CREBL2: variants seen among roughly 807,000 people sequenced by gnomAD.
The protein encoded by CREBL2 is cAMP responsive element binding protein like 2.
CREBL2 carries 4 observed loss-of-function variants against 19.5 expected under a neutral mutation model. The ratio of observed to expected loss-of-function variants is 0.20; its 90% CI spans 0.10 to 0.47. The LOEUF is 0.47. Among genes scored for constraint, CREBL2 ranks in the 20% least tolerant of loss-of-function variants. The pLI is 0.98. For synonymous variants in CREBL2, 42 were observed against 46.6 expected (o/e 0.90, Z 0.40); for missense variants, 85 against 145.1 (o/e 0.59, Z 2.13).
chr12:12,624,351 G>A (rs777943033), intron 1 of CREBL2, among the ~76,000 whole-genome samples: 13 of 152,200 alleles, frequency 8.5e-5, no homozygotes, highest in South Asian at 2.1e-4. Context: ...GGGTGGAAAC[G>A]GAGAGATGGT....
At chr12:12,619,563 A>G (rs903832956) in intron 1 of CREBL2, among the ~76,000 whole-genome samples, 2 of 152,180 alleles carry the variant, frequency 1.3e-5, no homozygotes, top group Non-Finnish European at 2.9e-5. Flanking sequence ...GTGAGCCGAG[A>G]TCACGCCACT....
chr12:12,641,263 A>ATTATTT (rs1566117110), intron 3 of CREBL2, among the ~76,000 whole-genome samples: 9 of 85,924 alleles, frequency 1.0e-4, no homozygotes, highest in African/African-American at 2.5e-4. Flanking sequence ...ATTTTTTTTT[A>ATTATTT]TTTTTTTTTT....
In CREBL2 at chr12:12,642,858, T is replaced by C. The variant is rs1393408482; in HGVS notation, c.*860T>C. ...ATGTATGTTTCTTATTGTATGTCTA[T>C]ATATGTATGTGGGGAGGACAGGAGT... On this transcript the variant is annotated 3_prime_UTR_variant, in exon 4 of 4. Transcript: ENST00000228865. The C allele has an allele frequency of 6.6e-6, 1 of 152,658 alleles. No individual in the cohort carries two copies. The allele number at this position is 152,658 out of a possible 1,614,324, so 9.5% of individuals were successfully genotyped here. A position where few individuals can be genotyped will look rare whatever the true frequency, so the allele number is the denominator to read the frequency against.
intron 1 of CREBL2, among the ~76,000 whole-genome samples, chr12:12,626,347 A>AATT (rs1209373297): frequency 6.6e-6 from 1 of 152,198 alleles, no homozygotes; most frequent in East Asian, 1.9e-4. Context: ...TTAATTATAG[A>AATT]ATTATCAGCA....
chr12:12,630,609 CTA>C (rs559985456), intron 1 of CREBL2, among the ~76,000 whole-genome samples: 9 of 152,206 alleles, frequency 5.9e-5, no homozygotes, highest in Admixed American at 5.9e-4. Flanking sequence ...TCTCTGCCTA[CTA>C]TTTATCATTA....
At chr12:12,628,155 C>T (rs1431814234) in intron 1 of CREBL2, among the ~76,000 whole-genome samples, 1 of 152,148 alleles carries the variant, frequency 6.6e-6, no homozygotes, top group Non-Finnish European at 1.5e-5. Flanking sequence ...GCTGGGATTA[C>T]AGGCTAAGCC....
chr12:12,632,605 GTGT>G (rs1945449616), intron 1 of CREBL2: 1 of 152,088 alleles, frequency 6.6e-6, no homozygotes, highest in Non-Finnish European at 1.5e-5. Context: ...TTGGATTATA[GTGT>G]TGTATGATTA....
intron 1 of CREBL2, chr12:12,614,467 C>CTT (rs34307341): frequency 0.025 from 3,274 of 128,472 alleles, 71 homozygotes; most frequent in Non-Finnish European, 0.038. Context: ...ATTTAGTTTC[C>CTT]TTTTTTTTTT....
intron 2 of CREBL2, 84 bp downstream of exon 2, chr12:12,636,058 C>A: frequency 7.9e-7 from 1 of 1,273,100 alleles, no homozygotes; most frequent in Non-Finnish European, 1.1e-6. Context: ...TACCAGTTAT[C>A]ACCTGTCCAG....
intron 1 of CREBL2, among the ~76,000 whole-genome samples, chr12:12,613,803 T>C (rs559172926): frequency 1.3e-5 from 2 of 152,186 alleles, no homozygotes; most frequent in Admixed American, 1.3e-4. Flanking sequence ...GGGATAACAT[T>C]GTAGACTCTT....
intron 1 of CREBL2, among the ~76,000 whole-genome samples, chr12:12,629,981 T>C (rs1021737431): frequency 6.6e-6 from 1 of 152,144 alleles, no homozygotes; most frequent in Non-Finnish European, 1.5e-5. Flanking sequence ...TGGTGTATAA[T>C]CTTCTTTGTT....
intron 1 of CREBL2, among the ~76,000 whole-genome samples, chr12:12,617,403 G>A (rs1203187452): frequency 6.6e-6 from 1 of 150,702 alleles, no homozygotes. Context: ...AGGCTAGTTG[G>A]GAAGGAAAAA....
At chr12:12,627,976 T>C (rs1361277676) in intron 1 of CREBL2, among the ~76,000 whole-genome samples, 2 of 151,902 alleles carry the variant, frequency 1.3e-5, no homozygotes, top group Non-Finnish European at 2.9e-5. Context: ...AACTCCCGGG[T>C]TCAAGCGATT....
chr12:12,623,692 C>T (rs1945378969), intron 1 of CREBL2, among the ~76,000 whole-genome samples: 1 of 151,966 alleles, frequency 6.6e-6, no homozygotes, highest in Non-Finnish European at 1.5e-5. Flanking sequence ...GAATGGTGGC[C>T]CCTAAAAAGA....
chr12:12,629,149 C>A (rs1945424332), intron 1 of CREBL2, among the ~76,000 whole-genome samples: 1 of 152,118 alleles, frequency 6.6e-6, no homozygotes, highest in Non-Finnish European at 1.5e-5. Flanking sequence ...CCAATTTCAG[C>A]AAAAAGGTAG....
intron 1 of CREBL2, chr12:12,614,857 GT>G (rs34663387): frequency 0.53 from 90,071 of 168,554 alleles, 21,728 homozygotes; most frequent in East Asian, 0.64. Context: ...TAGGGCATTA[GT>G]TTTTTTTTTT....
intron 1 of CREBL2, among the ~76,000 whole-genome samples, chr12:12,632,795 T>C (rs1945450497): frequency 1.3e-5 from 2 of 151,982 alleles, no homozygotes; most frequent in African/African-American, 4.8e-5. Flanking sequence ...TGATGAGATA[T>C]AAGCATAATT....
intron 1 of CREBL2, among the ~76,000 whole-genome samples, chr12:12,613,973 T>C (rs1000712090): frequency 7.0e-5 from 10 of 143,478 alleles, no homozygotes; most frequent in Non-Finnish European, 1.5e-4. Context: ...CACACTTCTT[T>C]CTTTTTTCTT....
At chr12:12,631,795 T>C in intron 1 of CREBL2, among the ~76,000 whole-genome samples, 1 of 152,232 alleles carries the variant, frequency 6.6e-6, no homozygotes, top group East Asian at 1.9e-4. Flanking sequence ...TTTTCTCTTT[T>C]ATTTTTTTAA....
Sources: allele counts gnomAD v4.1 joint callset (sites outside exome capture counted in the v4.1 genomes callset), GRCh38; gene constraint gnomAD v4.1.1; transcripts MANE v1.5; gene names NCBI Gene and HGNC (gene_info 2026-07-23, HGNC 2026-07-21).